Variants in SOX5 observed in about 807,000 individuals in gnomAD.
SOX5 encodes the protein transcription factor SOX-5.
SOX5 carries 9 observed loss-of-function variants against 92.0 expected under a neutral mutation model. The ratio of observed to expected loss-of-function variants is 0.10; its 90% CI spans 0.06 to 0.17. The LOEUF (loss-of-function observed/expected upper bound fraction) is 0.17. SOX5 is among the 10% of genes least tolerant of loss of function. The pLI is 1.00. For missense variants in SOX5, 642 were observed against 944.5 expected (o/e 0.68, Z 4.20); for synonymous variants, 344 against 336.3 (o/e 1.02, Z -0.25).
intron 1 of SOX5, among the ~76,000 whole-genome samples, chr12:24,525,624 C>A (rs1950634049): frequency 1.3e-5 from 2 of 152,078 alleles, no homozygotes; most frequent in Admixed American, 6.5e-5. Flanking sequence ...GTAATCCCAG[C>A]ACTTTGGGAG....
At chr12:23,759,604 A>G (rs995897417) in intron 3 of SOX5, among the ~76,000 whole-genome samples, 22 of 152,128 alleles carry the variant, frequency 1.4e-4, no homozygotes, top group African/African-American at 5.3e-4. Flanking sequence ...ATGAATGGAC[A>G]TGTAGCAGTG....
At chr12:23,900,711 C>A (rs956777014) in intron 1 of SOX5, among the ~76,000 whole-genome samples, 4 of 152,274 alleles carry the variant, frequency 2.6e-5, no homozygotes, top group African/African-American at 7.2e-5. Context: ...TGCAGTGACT[C>A]ATGCCTGTAA....
chr12:23,813,513 A>G (rs953572257), intron 3 of SOX5, among the ~76,000 whole-genome samples: 6 of 152,196 alleles, frequency 3.9e-5, no homozygotes, highest in Non-Finnish European at 8.8e-5. Context: ...TACTTTCGGA[A>G]AAAGCAAAAA....
At chr12:23,659,000 T>C (rs2082681356) in intron 7 of SOX5, among the ~76,000 whole-genome samples, 1 of 152,238 alleles carries the variant, frequency 6.6e-6, no homozygotes, top group African/African-American at 2.4e-5. Context: ...TATGGGATCC[T>C]GACAACACAT....
chr12:23,810,722 C>T (rs2095861759), intron 3 of SOX5, among the ~76,000 whole-genome samples: 1 of 152,052 alleles, frequency 6.6e-6, no homozygotes, highest in African/African-American at 2.4e-5. Context: ...CAGTTTTTAA[C>T]ATCTGGTTTC....
intron 1 of SOX5, chr12:24,460,490 C>T (rs1943502464): frequency 6.6e-6 from 1 of 152,186 alleles, no homozygotes; most frequent in African/African-American, 2.4e-5. Context: ...TGCTCAACTT[C>T]TGAAAGAATA....
chr12:23,859,122 A>G (rs894675236), intron 2 of SOX5, among the ~76,000 whole-genome samples: 1 of 152,190 alleles, frequency 6.6e-6, no homozygotes, highest in Non-Finnish European at 1.5e-5. Flanking sequence ...CCTGAAAAAG[A>G]ACAGAATAAC....
chr12:24,235,246 A>G (rs1452348558), intron 3 of SOX5, among the ~76,000 whole-genome samples: 1 of 152,234 alleles, frequency 6.6e-6, no homozygotes, highest in African/African-American at 2.4e-5. Flanking sequence ...CTTATGAGTA[A>G]AGCTTAGCAG....
In SOX5 at chr12:23,733,832, T is replaced by C. The variant is rs1444629439; in HGVS notation, c.810+852A>G. Reference sequence around the variant, plus strand: ...GATTAGCATACTGCAAAGCTAACAGTGGCCTCCAGATGGATGATGTCACAT... The same window carrying C: ...GATTAGCATACTGCAAAGCTAACAGCGGCCTCCAGATGGATGATGTCACAT... On this transcript the variant is annotated intron_variant, in intron 6 of 14. Transcript: ENST00000451604. Among the ~76,000 whole-genome samples, 3 of 152,178 alleles carry C rather than the reference T, an allele frequency of 2.0e-5. No individual in the cohort carries two copies. In the South Asian group the frequency reaches 6.2e-4, roughly 32 times the overall value.
chr12:23,940,131 G>T (rs1223719805), intron 1 of SOX5, among the ~76,000 whole-genome samples: 1 of 150,922 alleles, frequency 6.6e-6, no homozygotes, highest in African/African-American at 2.4e-5. Flanking sequence ...TTTCCCCATA[G>T]TGTCTTGTTC....
At chr12:24,170,577 C>T (rs1050675334) in intron 4 of SOX5, among the ~76,000 whole-genome samples, 2 of 152,164 alleles carry the variant, frequency 1.3e-5, no homozygotes, top group Non-Finnish European at 2.9e-5. Context: ...CACACCCCGT[C>T]GGCCCACACA....
chr12:23,565,712 TAAAC>T (rs757923428), intron 10 of SOX5, among the ~76,000 whole-genome samples: 59 of 152,300 alleles, frequency 3.9e-4, no homozygotes, highest in African/African-American at 1.3e-3. Context: ...CACTTTAAAA[TAAAC>T]ATTCTTGCTT....
chr12:24,090,797 G>T (rs1944549850), intron 4 of SOX5, among the ~76,000 whole-genome samples: 1 of 152,190 alleles, frequency 6.6e-6, no homozygotes, highest in South Asian at 2.1e-4. Context: ...ATGGGGAAAT[G>T]ATATTTAGAG....
intron 4 of SOX5, among the ~76,000 whole-genome samples, chr12:24,065,753 T>C (rs2137341005): frequency 6.6e-6 from 1 of 152,196 alleles, no homozygotes; most frequent in Non-Finnish European, 1.5e-5. Flanking sequence ...TTTCTTACAA[T>C]GACCAATGTC....
chr12:23,726,153 GAGAGAGAGAGAGAGAGAGAGA>G, intron 6 of SOX5, among the ~76,000 whole-genome samples: 1 of 44,888 alleles, frequency 2.2e-5, no homozygotes, highest in African/African-American at 6.2e-5. Flanking sequence ...GAGAGAGAGA[GAGAGAGAGAGAGAGAGAGAGA>G]GGTCAGTTTC....
intron 1 of SOX5, among the ~76,000 whole-genome samples, chr12:23,924,943 G>A (rs1366444166): frequency 6.6e-6 from 1 of 151,826 alleles, no homozygotes; most frequent in Non-Finnish European, 1.5e-5. Flanking sequence ...TTGTTTATCT[G>A]CTGACCTTCC....
At chr12:23,798,331 T>C (rs1004502274) in intron 3 of SOX5, among the ~76,000 whole-genome samples, 2 of 151,890 alleles carry the variant, frequency 1.3e-5, no homozygotes, top group African/African-American at 4.8e-5. Context: ...AATACAAAAT[T>C]CTTATTTTTC....
chr12:23,719,296 A>G (rs1221474111), intron 6 of SOX5, among the ~76,000 whole-genome samples: 1 of 152,172 alleles, frequency 6.6e-6, no homozygotes, highest in Non-Finnish European at 1.5e-5. Context: ...ATGTATTAAC[A>G]TTTTATCTTA....
Position 24,121,473 on chromosome 12 carries a change from G to A in SOX5, c.-2+91870C>T, listed in dbSNP as rs146558640. The stretch of plus-strand genomic sequence containing the variant: ...CAGGAACAAATATCAAATTTATGAC[G>A]AAGCATGGGTGGAACAATGGTGAAA... On this transcript the variant is annotated intron_variant, in intron 4 of 4. Transcript: ENST00000446891. Among the ~76,000 whole-genome samples, 30 of 151,636 alleles carry A rather than the reference G, an allele frequency of 2.0e-4. No individual in the cohort carries two copies. The East Asian group carries it at 3.1e-3, about 16-fold the overall frequency.
Sources: allele counts gnomAD v4.1 joint callset (sites outside exome capture counted in the v4.1 genomes callset), GRCh38; gene constraint gnomAD v4.1.1; transcripts MANE v1.5; gene names NCBI Gene and HGNC (gene_info 2026-07-23, HGNC 2026-07-21).